ZNF503: variants seen among roughly 807,000 people sequenced by gnomAD.
The protein encoded by ZNF503 is zinc finger protein 503, also known as NocA-like zinc finger 2.
In ZNF503, 15 loss-of-function variants were observed where a neutral mutation model predicts 34.4. That is an observed-to-expected ratio of 0.44 (90% CI 0.29 to 0.67). ZNF503 has a LOEUF of 0.67. ZNF503 is among the 30% of genes least tolerant of loss of function. The probability of loss-of-function intolerance (pLI) is 0.13; values close to 1 mark genes in which losing one functional copy is unlikely to be tolerated. For synonymous variants in ZNF503, 580 were observed against 456.8 expected, an observed-to-expected ratio of 1.27 and a Z score of -3.44; for missense variants, 1,007 against 926.8, an observed-to-expected ratio of 1.09 and a Z score of -1.12.
In ZNF503 at chr10:75,400,241, CCGCCGCCGGCACCGCCCG is replaced by C. The variant is rs1451943376; in HGVS notation, c.431_448del (p.Ala144_Gly149del). On this transcript the variant is annotated inframe_deletion, in exon 2 of 2. Transcript: ENST00000372524. The stretch of plus-strand genomic sequence containing the variant: ...TTTGGTGTCCTTGTCGCCCGCAGCA[CCGCCGCCGGCACCGCCCG>C]CGCCGCCCCCGTTGGAGGCAACCGA... 8 of 1,611,572 alleles carry C rather than the reference CCGCCGCCGGCACCGCCCG, an allele frequency of 5.0e-6. No homozygotes were observed. The highest frequency in any genetic ancestry group is 6.8e-6 in the Non-Finnish European group (8 of 1,179,440).
the ZNF503 span, among the ~76,000 whole-genome samples, chr10:75,322,427 C>T: frequency 6.6e-6 from 1 of 152,008 alleles, no homozygotes; most frequent in African/African-American, 2.4e-5. Context: ...CGGCCCACTG[C>T]CAATTTTTTA....
At chr10:75,332,439 A>G in the ZNF503 span, among the ~76,000 whole-genome samples, 4 of 144,848 alleles carry the variant, frequency 2.8e-5, no homozygotes, top group Non-Finnish European at 6.1e-5. Context: ...TCTTAATGTC[A>G]GTTATTGTGT....
chr10:75,374,726 C>T, the ZNF503 span, among the ~76,000 whole-genome samples: 3 of 152,216 alleles, frequency 2.0e-5, no homozygotes, highest in Non-Finnish European at 4.4e-5. Context: ...TCTCCCAGTA[C>T]CTACAACAGC....
the ZNF503 span, among the ~76,000 whole-genome samples, chr10:75,362,940 C>T: frequency 1.3e-5 from 2 of 152,138 alleles, no homozygotes; most frequent in Non-Finnish European, 2.9e-5. Context: ...CTACTTCTAC[C>T]CCCACCCCAG....
chr10:75,314,758 T>C, the ZNF503 span, among the ~76,000 whole-genome samples: 1 of 152,210 alleles, frequency 6.6e-6, no homozygotes, highest in South Asian at 2.1e-4. Flanking sequence ...AGTGGAATAA[T>C]ATATTAAAAA....
the ZNF503 span, among the ~76,000 whole-genome samples, chr10:75,300,832 A>C: frequency 3.4e-5 from 5 of 148,484 alleles, no homozygotes; most frequent in African/African-American, 1.3e-4. Flanking sequence ...CAGCCTCCCG[A>C]GTAGCTGGGA....
the ZNF503 span, among the ~76,000 whole-genome samples, chr10:75,326,217 G>C: frequency 6.6e-6 from 1 of 152,098 alleles, no homozygotes; most frequent in Admixed American, 6.5e-5. Flanking sequence ...AAAGTCACTT[G>C]TTAATTCTAA....
At chr10:75,372,532 G>T in the ZNF503 span, among the ~76,000 whole-genome samples, 6 of 152,228 alleles carry the variant, frequency 3.9e-5, no homozygotes, top group African/African-American at 1.4e-4. Flanking sequence ...CTCAATGAAC[G>T]ACTGTACCCC....
the ZNF503 span, among the ~76,000 whole-genome samples, chr10:75,334,831 G>A: frequency 6.6e-6 from 1 of 152,188 alleles, no homozygotes; most frequent in African/African-American, 2.4e-5. Context: ...AACTGTTTGT[G>A]TGCAAATCTG....
At chr10:75,329,461 C>CTTTCTT in the ZNF503 span, among the ~76,000 whole-genome samples, 1 of 63,424 alleles carries the variant, frequency 1.6e-5, no homozygotes, top group African/African-American at 4.8e-5. Flanking sequence ...CTTTCTTTCT[C>CTTTCTT]TTTCTTTCTT....
downstream of ZNF503, among the ~76,000 whole-genome samples, chr10:75,397,450 C>T (rs1166726808): frequency 6.6e-6 from 1 of 152,158 alleles, no homozygotes; most frequent in Non-Finnish European, 1.5e-5. Context: ...CGAGTCCCGG[C>T]CTGCTCCACT....
the ZNF503 span, among the ~76,000 whole-genome samples, chr10:75,329,155 A>AC: frequency 6.6e-6 from 1 of 151,650 alleles, no homozygotes; most frequent in African/African-American, 2.4e-5. Flanking sequence ...TAGGTGTTTG[A>AC]TTTTTTTGTG....
downstream of ZNF503, among the ~76,000 whole-genome samples, chr10:75,394,856 T>C (rs1004166003): frequency 2.0e-5 from 3 of 152,326 alleles, no homozygotes; most frequent in African/African-American, 7.2e-5. Context: ...CTGGTCCTTC[T>C]TCAGCAGCTC....
chr10:75,384,346 A>G, the ZNF503 span, among the ~76,000 whole-genome samples: 1 of 152,280 alleles, frequency 6.6e-6, no homozygotes, highest in East Asian at 1.9e-4. Context: ...ATGATCACAT[A>G]CAAATTCACA....
At chr10:75,334,764 C>T in the ZNF503 span, among the ~76,000 whole-genome samples, 56,775 of 151,982 alleles carry the variant, frequency 0.37, 10,860 homozygotes, top group African/African-American at 0.44. Context: ...TTTTTGTTTT[C>T]TCTAACCCTG....
the ZNF503 span, chr10:75,382,544 A>T: frequency 1.8e-6 from 1 of 548,136 alleles, no homozygotes; most frequent in Non-Finnish European, 3.2e-6. Context: ...TAAGATGGTG[A>T]CTGGTGTCTC....
the ZNF503 span, among the ~76,000 whole-genome samples, chr10:75,370,437 C>T: frequency 6.6e-6 from 1 of 152,164 alleles, no homozygotes; most frequent in Non-Finnish European, 1.5e-5. Flanking sequence ...CACGGATGCT[C>T]ATCTGGGAAG....
chr10:75,327,952 T>C, the ZNF503 span, among the ~76,000 whole-genome samples: 3 of 92,000 alleles, frequency 3.3e-5, no homozygotes, highest in African/African-American at 1.1e-4. Flanking sequence ...ATAATAATAA[T>C]TATTATTATT....
At chr10:75,338,133 A>G in the ZNF503 span, among the ~76,000 whole-genome samples, 1 of 152,236 alleles carries the variant, frequency 6.6e-6, no homozygotes, top group Non-Finnish European at 1.5e-5. Context: ...TTTAGATGAC[A>G]TGTAGACCAA....
Sources: gnomAD v4.1 joint callset for allele counts (sites outside exome capture counted in the v4.1 genomes callset) on GRCh38, gnomAD v4.1.1 for gene constraint, MANE v1.5 for transcripts, NCBI Gene and HGNC (gene_info 2026-07-23, HGNC 2026-07-21) for gene names.